Variants in SEMA4G observed in about 807,000 individuals in gnomAD.
SEMA4G encodes semaphorin 4G.
SEMA4G carries 59 observed loss-of-function variants against 81.2 expected under a neutral mutation model. That is an observed-to-expected ratio of 0.73 (90% CI 0.59 to 0.90). The LOEUF is 0.90. SEMA4G is among the 40% of genes least tolerant of loss of function. SEMA4G has a pLI of 0.00. For missense variants in SEMA4G, 952 were observed against 1,102.3 expected (o/e 0.86, Z 1.93); for synonymous variants, 404 against 433.9 (o/e 0.93, Z 0.86).
exon 14 of SEMA4G, chr10:100,983,379 A>C (rs1232869244): frequency 1.2e-6 from 2 of 1,609,606 alleles, no homozygotes; most frequent in Non-Finnish European, 1.7e-6. Context: ...CCAGCCATCC[A>C]ACCTGGCCCG....
At chr10:100,980,254 C>T in exon 10 of SEMA4G, 2 of 1,614,238 alleles carry the variant, frequency 1.2e-6, no homozygotes, top group Non-Finnish European at 1.7e-6. Flanking sequence ...GCCCCTGCTG[C>T]TCAAGCGCAA....
chr10:100,971,230 C>T (rs529488859), upstream of SEMA4G, among the ~76,000 whole-genome samples: 9 of 152,312 alleles, frequency 5.9e-5, no homozygotes, highest in African/African-American at 2.2e-4. Flanking sequence ...GCTCCTCTAA[C>T]CTGGGGCATG....
In SEMA4G at chr10:100,983,323, A is replaced by C. The variant is rs552270687; in HGVS notation, c.1709A>C (p.Lys570Thr). The C allele has an allele frequency of 1.9e-6, 3 of 1,560,656 alleles. No individual in the cohort carries two copies. The East Asian group carries it at 7.0e-5, about 36-fold the overall frequency. The change falls in exon 14 of 14, where the codon AAG becomes ACG. Residue 570 changes from lysine to threonine, a missense_variant. Lys to Thr is a moderately conservative substitution (Grantham distance 78). Around this residue, in one of 3 missense-constraint regions of SEMA4G, gnomAD observed 385 missense variants for 413.5 expected, o/e 0.93. Coordinates refer to ENST00000370250, the Ensembl canonical transcript of SEMA4G. ...CCCACAGGGCCACCACCACCACTGA[A>C]GACCCGCTCTGTGCTCCGGGGTGAT...
chr10:100,970,184 G>A (rs1436482423), upstream of SEMA4G, among the ~76,000 whole-genome samples: 4 of 152,096 alleles, frequency 2.6e-5, no homozygotes, highest in African/African-American at 9.7e-5. Flanking sequence ...GAGTTCAGGG[G>A]GCTGGCCCTG....
intron 13 of SEMA4G, among the ~76,000 whole-genome samples, chr10:100,982,288 G>A (rs1229480696): frequency 6.6e-6 from 1 of 152,156 alleles, no homozygotes; most frequent in African/African-American, 2.4e-5. Context: ...CAAAGGCCAT[G>A]TTGAAGATTT....
intron 13 of SEMA4G, among the ~76,000 whole-genome samples, chr10:100,981,915 G>A (rs10748803): frequency 0.83 from 126,266 of 151,604 alleles, 52,753 homozygotes; most frequent in African/African-American, 0.87. Flanking sequence ...AAAATTAGCC[G>A]GGTGTGGTGG....
intron 4 of SEMA4G, 26 bp from the exon 6 acceptor site, chr10:100,978,269 C>T (rs916166910): frequency 1.9e-6 from 3 of 1,578,070 alleles, no homozygotes; most frequent in African/African-American, 2.7e-5. Flanking sequence ...TTCGGAACCA[C>T]TTACTGCTGG....
exon 1 of SEMA4G, chr10:100,972,568 G>C: frequency 4.6e-6 from 1 of 219,740 alleles, no homozygotes; most frequent in Non-Finnish European, 8.8e-6. Flanking sequence ...TCTACTGTCG[G>C]GGGCAGGGTG....
rs1850689951 is a variant in SEMA4G at position 100,973,393 on chromosome 10, G to A, written c.273+116G>A. On this transcript the variant is annotated intron_variant, in intron 2 of 13. Transcript: ENST00000370250. This position sits in a 1 kb window ranked among gnomAD's most constrained non-coding sequence, Gnocchi z 5.5. ...CATAGCCCCCTGGTCAGACAGCACT[G>A]CCCTTCCCAGCCCAGGTGTTCCTTG... 1.4e-6 allele frequency: 2 copies of A among 1,412,576 alleles called. No homozygotes were observed. The highest frequency in any genetic ancestry group is 1.3e-5 in the South Asian group (1 of 78,448). 87.5% of individuals were successfully genotyped at this position (1,412,576 alleles called of 1,614,324 possible).
chr10:100,976,082 G>A (rs1445440193), intron 3 of SEMA4G, among the ~76,000 whole-genome samples: 1 of 152,022 alleles, frequency 6.6e-6, no homozygotes, highest in Non-Finnish European at 1.5e-5. Context: ...TGGAGACGGG[G>A]GACAGATGGT....
At chr10:100,979,073 C>T in intron 7 of SEMA4G, 29 bp from the exon 9 acceptor site, 1 of 1,612,996 alleles carries the variant, frequency 6.2e-7, no homozygotes, top group Non-Finnish European at 8.5e-7. Flanking sequence ...CTGACCCTGG[C>T]CCCTTATCCC....
chr10:100,977,500 A>C (rs1850851529), intron 3 of SEMA4G, 132 bp from the exon 5 acceptor site: 1 of 724,426 alleles, frequency 1.4e-6, no homozygotes, highest in Non-Finnish European at 2.5e-6. Flanking sequence ...AGCAGTGAGA[A>C]GGATCACAGG....
rs746403415 is a variant in SEMA4G, at chr10:100,973,605, A to G, written c.332A>G (p.Asn111Ser). ...AAATGTCATCAAAAAGGGAAAAACA[A>G]CCAGGTATGTGGTCTGCCCTGTCCC... Residue 111 changes from asparagine (N) to serine (S), a missense_variant, in exon 3 of 14, where the codon AAC becomes AGC. Around this residue, in one of 3 missense-constraint regions of SEMA4G, gnomAD observed 436 missense variants for 488.2 expected, o/e 0.89. Transcript: ENST00000370250. This position sits in a 1 kb window ranked among gnomAD's most constrained non-coding sequence, Gnocchi z 5.5. The G allele has an allele frequency of 6.2e-7, 1 of 1,614,076 alleles. No homozygotes were observed. The highest frequency in any genetic ancestry group is 8.5e-7 in the Non-Finnish European group (1 of 1,179,984).
intron 11 of SEMA4G, 64 bp downstream of exon 12, chr10:100,980,757 G>A: frequency 6.2e-7 from 1 of 1,605,152 alleles, no homozygotes; most frequent in South Asian, 1.1e-5. Context: ...TGGGGAGGTT[G>A]GGCAGAGGCT....
chr10:100,970,486 G>A (rs984984504), upstream of SEMA4G, among the ~76,000 whole-genome samples: 5 of 151,930 alleles, frequency 3.3e-5, no homozygotes, highest in East Asian at 1.9e-4. Context: ...CTTGTAGAGC[G>A]GCCTTGACTC....
intron 11 of SEMA4G, 48 bp downstream of exon 12, chr10:100,980,741 A>C: frequency 6.2e-7 from 1 of 1,607,616 alleles, no homozygotes. Context: ...AAATAGGAAG[A>C]GGGAGTGGGG....
chr10:100,983,815 G>A, exon 14 of SEMA4G: 1 of 1,602,680 alleles, frequency 6.2e-7, no homozygotes. Flanking sequence ...TCAGGCCAGT[G>A]TCCTGGAGAG....
intron 13 of SEMA4G, chr10:100,981,449 G>A (rs749817171): frequency 3.7e-6 from 6 of 1,614,184 alleles, no homozygotes; most frequent in Non-Finnish European, 4.2e-6. Flanking sequence ...GAAGTGTCTT[G>A]TCACTTCTGG....
At chr10:100,978,175 TC>T (rs1850883919) in intron 4 of SEMA4G, 119 bp from the exon 6 acceptor site, 1 of 655,776 alleles carries the variant, frequency 1.5e-6, no homozygotes. Flanking sequence ...GTCAGGTGCA[TC>T]TGCCATACAA....
Sources: allele counts gnomAD v4.1 joint callset (sites outside exome capture counted in the v4.1 genomes callset), GRCh38; gene constraint gnomAD v4.1.1; regional missense constraint gnomAD v4.1.1; non-coding constraint Gnocchi (gnomAD v3.1); transcripts MANE v1.5; gene names NCBI Gene and HGNC (gene_info 2026-07-23, HGNC 2026-07-21).